Variants in MCUR1 observed in about 807,000 individuals in gnomAD.
The protein encoded by MCUR1 is MCU regulator 1.
A neutral mutation model predicts 42.0 loss-of-function variants in MCUR1; 37 were observed. That is an observed-to-expected ratio of 0.88 (90% CI 0.68 to 1.16). MCUR1 has a LOEUF of 1.16. Among genes scored for constraint, MCUR1 ranks in the 50% most tolerant of loss-of-function variants. The pLI is 0.00. For synonymous variants in MCUR1, 229 were observed against 196.2 expected, an observed-to-expected ratio of 1.17 and a Z score of -1.40; for missense variants, 469 against 468.4, an observed-to-expected ratio of 1.00 and a Z score of -0.01.
intron 2 of MCUR1, 73 bp from the exon 3 acceptor site, chr6:13,802,419 T>C (rs940214159): frequency 4.2e-6 from 5 of 1,179,886 alleles, no homozygotes; most frequent in Non-Finnish European, 6.3e-6. Flanking sequence ...CACATTCATG[T>C]GAATGTCCAA....
Position 13,789,296 on chromosome 6 carries a change from G to A in MCUR1, c.*1513C>T, listed in dbSNP as rs1584980729. The A allele has an allele frequency of 2.0e-5, 3 of 152,472 alleles. No homozygotes were observed. In the South Asian group the frequency reaches 6.2e-4, roughly 32 times the overall value. 9.4% of individuals were successfully genotyped at this position (152,472 alleles called of 1,614,324 possible). A position where few individuals can be genotyped will look rare whatever the true frequency, so the allele number is the denominator to read the frequency against. On this transcript the variant is annotated 3_prime_UTR_variant, in exon 9 of 9. Coordinates refer to ENST00000379170, the MANE Select transcript of MCUR1 (RefSeq NM_001031713.4). Reference sequence around the variant, plus strand: ...GGCACCTGTAATCCCAGCTACTCAGGAGACTGAGGCAGGAGAATCGCTTGA... The same window carrying A: ...GGCACCTGTAATCCCAGCTACTCAGAAGACTGAGGCAGGAGAATCGCTTGA...
chr6:13,802,637 G>A (rs755862436), intron 2 of MCUR1, among the ~76,000 whole-genome samples: 11 of 152,068 alleles, frequency 7.2e-5, no homozygotes, highest in Admixed American at 2.0e-4. Context: ...AGACAATGCC[G>A]GCAAGTCAAC....
At position 13,788,875 on chromosome 6, in the gene MCUR1, T is replaced by G. The variant is rs1045595202; in HGVS notation, c.*1934A>C. The stretch of plus-strand genomic sequence containing the variant: ...TCACAATCTTTGGACTACACAAACA[T>G]TCTCTAAAAGGGCAATGACTTATAT... On this transcript the variant is annotated 3_prime_UTR_variant, in exon 9 of 9. Coordinates refer to ENST00000379170, the MANE Select transcript of MCUR1 (RefSeq NM_001031713.4). 1.3e-5 allele frequency: 2 copies of G among 152,242 alleles called. No individual in the cohort carries two copies. Among genetic ancestry groups the G allele is most frequent in the African/African-American group, 4.8e-5 (2 of 41,456 alleles). 9.4% of individuals were successfully genotyped at this position (152,242 alleles called of 1,614,324 possible).
At chr6:13,804,771 CAG>C (rs1315856347) in intron 2 of MCUR1, among the ~76,000 whole-genome samples, 1 of 114,396 alleles carries the variant, frequency 8.7e-6, no homozygotes, top group Non-Finnish European at 1.6e-5. Flanking sequence ...GCCTGGAAGA[CAG>C]AGCCAGACTC....
chr6:13,795,566 C>T (rs924905104), intron 6 of MCUR1, among the ~76,000 whole-genome samples: 7 of 152,210 alleles, frequency 4.6e-5, no homozygotes, highest in African/African-American at 1.7e-4. Context: ...TACAAACACA[C>T]TCGCTGTATA....
In MCUR1 at chr6:13,802,297, G is replaced by A. The variant is rs1760007922; in HGVS notation, c.585C>T (p.Ile195=). The A allele has an allele frequency of 1.9e-6, 3 of 1,613,704 alleles. No homozygotes were observed. The Admixed American group carries it at 5.0e-5, about 27-fold the overall frequency. Residue 195 remains isoleucine, a synonymous_variant, in exon 3 of 9, where the codon ATC becomes ATT. Transcript: ENST00000379170. ...AEIIVSALVK[I]LEANMDIVYK... ...AGACGATGTCCATGTTGGCCTCCAG[G>A]ATCTTGACCAATGCAGACACAATGA...
intron 6 of MCUR1, among the ~76,000 whole-genome samples, chr6:13,796,314 G>A (rs1463778752): frequency 6.7e-6 from 1 of 148,856 alleles, no homozygotes; most frequent in Non-Finnish European, 1.5e-5. Context: ...TTGAGACAGG[G>A]TCTCACTCTG....
chr6:13,814,301 A>T lies in MCUR1; in HGVS notation c.129T>A (p.Ser43=). The change falls in exon 1 of 9, where the codon TCT becomes TCA. Residue 43 remains serine (S), a synonymous_variant. Coordinates refer to ENST00000379170, the MANE Select transcript of MCUR1 (RefSeq NM_001031713.4). ...GSETSARRCL[S]ALSDGLGALR... is the part of the protein sequence containing the mutation. ...GCGCCCCCAGACCGTCGGAGAGCGC[A>T]GAGAGGCAGCGGCGTGCTGAGGTTT... 6.6e-7 allele frequency: 1 copy of T among 1,503,852 alleles called. No individual in the cohort carries two copies. Among genetic ancestry groups the T allele is most frequent in the Non-Finnish European group, 8.8e-7 (1 of 1,132,560 alleles). 93.2% of individuals were successfully genotyped at this position (1,503,852 alleles called of 1,614,324 possible). A position where few individuals can be genotyped will look rare whatever the true frequency, so the allele number is the denominator to read the frequency against.
intron 7 of MCUR1, 63 bp from the exon 8 acceptor site, chr6:13,792,055 T>G: frequency 8.0e-7 from 1 of 1,245,746 alleles, no homozygotes; most frequent in Non-Finnish European, 1.2e-6. Flanking sequence ...CACCATCCTA[T>G]AGCTCCTTCC....
intron 2 of MCUR1, chr6:13,803,903 C>A (rs1036937657): frequency 4.3e-5 from 42 of 978,532 alleles, no homozygotes; most frequent in Non-Finnish European, 5.0e-5. Flanking sequence ...GAGACCAAGG[C>A]GGGAGGATCT....
intron 5 of MCUR1, among the ~76,000 whole-genome samples, chr6:13,800,033 T>C (rs527831392): frequency 2.2e-4 from 34 of 152,094 alleles, no homozygotes; most frequent in African/African-American, 7.9e-4. Flanking sequence ...GGTTTCACTA[T>C]GTTGGCCAAG....
At chr6:13,800,462 T>C (rs1759967043) in intron 4 of MCUR1, 80 bp from the exon 5 acceptor site, 3 of 770,994 alleles carry the variant, frequency 3.9e-6, no homozygotes, top group Admixed American at 5.7e-5. Flanking sequence ...TACATATTTA[T>C]GCACAAGTTC....
intron 6 of MCUR1, 95 bp from the exon 7 acceptor site, chr6:13,794,042 G>A (rs780123088): frequency 2.4e-5 from 26 of 1,072,428 alleles, no homozygotes; most frequent in East Asian, 4.8e-5. Flanking sequence ...GTACCTCCTA[G>A]AATACGTAAC....
In MCUR1 at chr6:13,814,281, C is replaced by T; in HGVS notation, c.149G>A (p.Gly50Glu). The change falls in exon 1 of 9, where the codon GGG (glycine) becomes GAG (glutamate). Residue 50 changes from glycine to glutamate, a missense_variant. Gly to Glu is a moderately conservative substitution (Grantham distance 98). Coordinates refer to ENST00000379170, the MANE Select transcript of MCUR1 (RefSeq NM_001031713.4). ...RCLSALSDGL[G>E]ALRPRAPAAR... ...CGCCGGGGCGCGAGGGCGCAGCGCC[C>T]CCAGACCGTCGGAGAGCGCAGAGAG... The T allele has an allele frequency of 6.7e-7, 1 of 1,492,460 alleles. No homozygotes were observed. Among genetic ancestry groups the T allele is most frequent in the Non-Finnish European group, 8.9e-7 (1 of 1,127,644 alleles). The allele number at this position is 1,492,460 out of a possible 1,614,324, so 92.5% of individuals were successfully genotyped here.
chr6:13,791,916 A>G lies in MCUR1; in HGVS notation c.986T>C (p.Leu329Pro). Residue 329 changes from leucine (L) to proline (P), a missense_variant, in exon 8 of 9, where the codon CTT (leucine) becomes CCT (proline). By Grantham distance (98) the Leu-to-Pro change is moderately conservative. Transcript: ENST00000379170. ...AATATTATCAAGCTTGTGTGACTCA[A>G]GCATGGTTTTGAGGCCAGCAACCTC... is the stretch of plus-strand genomic sequence containing the variant. ...ETEVAGLKTM[L>P]ESHKLDNIKY... 6.2e-7 allele frequency: 1 copy of G among 1,614,086 alleles called. No individual in the cohort carries two copies. Among genetic ancestry groups the G allele is most frequent in the Non-Finnish European group, 8.5e-7 (1 of 1,179,986 alleles).
chr6:13,798,001 C>T (rs983152151), intron 6 of MCUR1, among the ~76,000 whole-genome samples: 7 of 151,946 alleles, frequency 4.6e-5, no homozygotes, highest in African/African-American at 1.7e-4. Flanking sequence ...CCGGCCTCGG[C>T]AACACACTGA....
intron 5 of MCUR1, 31 bp from the exon 6 acceptor site, chr6:13,798,935 A>G (rs1358959681): frequency 1.5e-6 from 2 of 1,354,518 alleles, no homozygotes; most frequent in East Asian, 2.3e-5. Context: ...AAAGAAGGAA[A>G]AATCCAAAGT....
In MCUR1 at chr6:13,786,670, A is replaced by G. The variant is rs1759609852; in HGVS notation, c.*4139T>C. On this transcript the variant is annotated 3_prime_UTR_variant, in exon 9 of 9. Coordinates refer to ENST00000379170, the MANE Select transcript of MCUR1 (RefSeq NM_001031713.4). ...ATTGGCTGGAATTAACAGTTGCAAT[A>G]CAGTTATTCTAGCTTTTCATATTCA... The G allele has an allele frequency of 6.6e-6, 1 of 152,234 alleles. No individual in the cohort carries two copies. The highest frequency in any genetic ancestry group is 1.5e-5 in the Non-Finnish European group (1 of 68,042). The allele number at this position is 152,234 out of a possible 1,614,324, so 9.4% of individuals were successfully genotyped here.
At chr6:13,807,083 T>A in intron 1 of MCUR1, 39 bp from the exon 2 acceptor site, 5 of 1,559,364 alleles carry the variant, frequency 3.2e-6, no homozygotes, top group Non-Finnish European at 4.3e-6. Flanking sequence ...ACAGACTTCA[T>A]GCAAAACAAA....
Sources: allele counts gnomAD v4.1 joint callset (sites outside exome capture counted in the v4.1 genomes callset), GRCh38; gene constraint gnomAD v4.1.1; transcripts MANE v1.5; gene names NCBI Gene and HGNC (gene_info 2026-07-23, HGNC 2026-07-21).